The following SIPA1L1 variants were observed in gnomAD, a reference collection of about 807,000 sequenced individuals.
SIPA1L1 encodes the protein signal induced proliferation associated 1 like 1, also known as signal-induced proliferation-associated 1-like protein 1.
In SIPA1L1, 26 loss-of-function variants were observed where a neutral mutation model predicts 162.7. That is an observed-to-expected ratio of 0.16 (90% CI 0.12 to 0.22). The LOEUF is 0.22. SIPA1L1 is among the 10% of genes least tolerant of loss of function. SIPA1L1 has a pLI of 1.00. For missense variants in SIPA1L1, 1,874 were observed against 2,241.0 expected (o/e 0.84, Z 3.31); for synonymous variants, 829 against 837.4 (o/e 0.99, Z 0.17).
At chr14:71,627,962 G>T (rs931257156) in intron 7 of SIPA1L1, among the ~76,000 whole-genome samples, 4 of 151,930 alleles carry the variant, frequency 2.6e-5, no homozygotes, top group Non-Finnish European at 5.9e-5. Flanking sequence ...GGAATTCAGT[G>T]TAGAATATTG....
intron 2 of SIPA1L1, among the ~76,000 whole-genome samples, chr14:71,447,582 G>C (rs1472773840): frequency 2.8e-5 from 2 of 71,950 alleles, no homozygotes; most frequent in African/African-American, 5.5e-5. Flanking sequence ...TTTTTTTTTT[G>C]AGACAGGGTC....
At chr14:71,553,332 T>C (rs972061602) in intron 4 of SIPA1L1, among the ~76,000 whole-genome samples, 9 of 152,230 alleles carry the variant, frequency 5.9e-5, no homozygotes, top group African/African-American at 1.9e-4. Flanking sequence ...TAAAATATTC[T>C]GGGGGAATTT....
At chr14:71,603,051 T>C (rs1373389581) in intron 5 of SIPA1L1, among the ~76,000 whole-genome samples, 1 of 152,236 alleles carries the variant, frequency 6.6e-6, no homozygotes, top group Non-Finnish European at 1.5e-5. Context: ...TGAGTGCAGA[T>C]ATGTTTAGAA....
intron 2 of SIPA1L1, among the ~76,000 whole-genome samples, chr14:71,407,309 A>G (rs2042091060): frequency 6.6e-6 from 1 of 152,208 alleles, no homozygotes; most frequent in South Asian, 2.1e-4. Flanking sequence ...TATTTAGAGG[A>G]TGAATTTACA....
intron 12 of SIPA1L1, among the ~76,000 whole-genome samples, chr14:71,680,973 TCTACCCAGCTCTTCC>T (rs1020300317): frequency 6.6e-6 from 1 of 152,214 alleles, no homozygotes; most frequent in African/African-American, 2.4e-5. Context: ...CACTCCCTCC[TCTACCCAGCTCTTCC>T]CTTCCCTGCT....
chr14:71,477,229 C>T (rs946301346), intron 2 of SIPA1L1, among the ~76,000 whole-genome samples: 1 of 152,004 alleles, frequency 6.6e-6, no homozygotes, highest in Non-Finnish European at 1.5e-5. Context: ...CTACTGCACT[C>T]CAGCCTGGGC....
At chr14:71,645,043 C>T (rs185249093) in intron 7 of SIPA1L1, among the ~76,000 whole-genome samples, 4 of 152,286 alleles carry the variant, frequency 2.6e-5, no homozygotes, top group Admixed American at 6.5e-5. Flanking sequence ...GTGTCCTTTC[C>T]GGGGGCTCTA....
At position 71,389,618 on chromosome 14, in the gene SIPA1L1, T is replaced by A. The variant is rs147378766; in HGVS notation, c.-465+68437T>A. On this transcript the variant is annotated intron_variant, in intron 2 of 23. Coordinates refer to ENST00000381232, the MANE Select transcript of SIPA1L1 (RefSeq NM_001386936.1). The stretch of plus-strand genomic sequence containing the variant: ...TTTCCTGTAGATTGCAGGGGACAAG[T>A]GAGATGTTTCATATTTAGGAATATT... Among the ~76,000 whole-genome samples the A allele has an allele frequency of 3.6e-3, 553 of 152,270 alleles. 2 individuals are homozygous for A. The highest frequency in any genetic ancestry group is 0.013 in the African/African-American group (523 of 41,548).
chr14:71,442,122 G>A (rs1162128018), intron 2 of SIPA1L1, among the ~76,000 whole-genome samples: 2 of 134,890 alleles, frequency 1.5e-5, no homozygotes, highest in Non-Finnish European at 3.1e-5. Context: ...GCAGTGAGCT[G>A]AGATCGCGTC....
chr14:71,512,357 A>G (rs1287657914), intron 2 of SIPA1L1, among the ~76,000 whole-genome samples: 2 of 152,004 alleles, frequency 1.3e-5, no homozygotes, highest in Non-Finnish European at 2.9e-5. Context: ...TTACGTTAAA[A>G]TATGTTCTTT....
At chr14:71,693,801 C>G (rs953761440) in intron 13 of SIPA1L1, among the ~76,000 whole-genome samples, 4 of 151,230 alleles carry the variant, frequency 2.6e-5, no homozygotes, top group South Asian at 4.2e-4. Flanking sequence ...TAACTTGGTC[C>G]TGTTCCCTGG....
intron 2 of SIPA1L1, among the ~76,000 whole-genome samples, chr14:71,488,661 T>C (rs1051393856): frequency 6.6e-6 from 1 of 152,188 alleles, no homozygotes; most frequent in Non-Finnish European, 1.5e-5. Flanking sequence ...GAACACAAAA[T>C]TCAAAAGAAA....
intron 4 of SIPA1L1, among the ~76,000 whole-genome samples, chr14:71,543,944 T>C (rs962464521): frequency 2.0e-5 from 3 of 149,020 alleles, no homozygotes; most frequent in Admixed American, 6.7e-5. Flanking sequence ...TGTGTATATA[T>C]ACATATACGC....
intron 7 of SIPA1L1, among the ~76,000 whole-genome samples, chr14:71,641,691 C>T (rs1378870723): frequency 1.3e-5 from 2 of 152,290 alleles, no homozygotes; most frequent in South Asian, 2.1e-4. Context: ...CCACTGCACT[C>T]CAGCCTGGGT....
chr14:71,478,311 A>G lies in SIPA1L1; in HGVS notation c.-464-34432A>G, dbSNP rs534966656. On this transcript the variant is annotated intron_variant, in intron 2 of 23. Coordinates refer to ENST00000381232, the MANE Select transcript of SIPA1L1 (RefSeq NM_001386936.1). ...TATGTGATTTGCAAATTTTTTTCCA[A>G]GTCTATACCTTATTTTTTCATTTGC... Among the ~76,000 whole-genome samples, 40 of 152,216 alleles carry G rather than the reference A, an allele frequency of 2.6e-4. 1 individual carries two copies. Among genetic ancestry groups the G allele is most frequent in the Middle Eastern group, 6.8e-3 (2 of 294 alleles).
In SIPA1L1 at chr14:71,671,686, G is replaced by A. The variant is rs990897612; in HGVS notation, c.2823G>A (p.Arg941=). 3 of 1,590,386 alleles carry A rather than the reference G, an allele frequency of 1.9e-6. No individual in the cohort carries two copies. In the Admixed American group the frequency reaches 5.3e-5, roughly 28 times the overall value. ...NIEEIKEIVK[R]LQFVSKGCES... The stretch of plus-strand genomic sequence containing the variant: ...AGGAGATCAAAGAGATTGTCAAAAG[G>A]TTGCAGGTGAGTCTCTCCTTCCTCT... The change falls in exon 11 of 24, where the codon AGG becomes AGA. Residue 941 remains arginine (R), a synonymous_variant. Coordinates refer to ENST00000381232, the MANE Select transcript of SIPA1L1 (RefSeq NM_001386936.1).
chr14:71,431,714 A>C (rs1465302801), intron 2 of SIPA1L1, among the ~76,000 whole-genome samples: 1 of 152,106 alleles, frequency 6.6e-6, no homozygotes, highest in African/African-American at 2.4e-5. Flanking sequence ...TAAATAAATA[A>C]AAATAAATCA....
intron 2 of SIPA1L1, among the ~76,000 whole-genome samples, chr14:71,393,473 G>C (rs2040931368): frequency 6.6e-6 from 1 of 152,174 alleles, no homozygotes; most frequent in Non-Finnish European, 1.5e-5. Context: ...GATTTGTAAA[G>C]TCTTATTGGA....
At chr14:71,386,478 A>G (rs1000319659) in intron 2 of SIPA1L1, among the ~76,000 whole-genome samples, 2 of 152,234 alleles carry the variant, frequency 1.3e-5, no homozygotes, top group Non-Finnish European at 2.9e-5. Flanking sequence ...AGACACACCC[A>G]GGAACAATAC....
Sources: allele counts gnomAD v4.1 joint callset (sites outside exome capture counted in the v4.1 genomes callset), GRCh38; gene constraint gnomAD v4.1.1; transcripts MANE v1.5; gene names NCBI Gene and HGNC (gene_info 2026-07-23, HGNC 2026-07-21).